The following SUPT3H variants were observed in gnomAD, a reference collection of about 807,000 sequenced individuals.
SUPT3H encodes transcription initiation protein SPT3 homolog.
A neutral mutation model predicts 44.3 loss-of-function variants in SUPT3H; 44 were observed. The ratio of observed to expected loss-of-function variants is 0.99; its 90% CI spans 0.78 to 1.28. The LOEUF (loss-of-function observed/expected upper bound fraction) is 1.28, where lower values mean the gene tolerates loss of function less well. Ranked by LOEUF, SUPT3H falls within the 50% of genes most tolerant of loss-of-function variation. The pLI is 0.00. For synonymous variants in SUPT3H, 124 were observed against 125.6 expected, an observed-to-expected ratio of 0.99 and a Z score of 0.09; for missense variants, 380 against 387.1, an observed-to-expected ratio of 0.98 and a Z score of 0.15.
intron 2 of SUPT3H, among the ~76,000 whole-genome samples, chr6:45,171,257 G>A (rs886282498): frequency 6.6e-6 from 1 of 151,954 alleles, no homozygotes. Flanking sequence ...TTTATCAGAA[G>A]ATACATAAAA....
intron 1 of SUPT3H, among the ~76,000 whole-genome samples, chr6:45,366,077 C>T (rs548181000): frequency 3.2e-4 from 49 of 152,104 alleles, no homozygotes; most frequent in Non-Finnish European, 4.0e-4. Context: ...TAGGTAAACC[C>T]TCATCTATTA....
intron 3 of SUPT3H, among the ~76,000 whole-genome samples, chr6:45,078,684 T>C (rs1217138595): frequency 6.6e-6 from 1 of 152,194 alleles, no homozygotes. Flanking sequence ...TTGGATACAG[T>C]ATACTTGGCT....
chr6:45,286,974 C>T (rs1404105455), intron 2 of SUPT3H, among the ~76,000 whole-genome samples: 1 of 152,102 alleles, frequency 6.6e-6, no homozygotes, highest in Non-Finnish European at 1.5e-5. Flanking sequence ...CCATCATTCT[C>T]AGCAAACTAT....
At chr6:44,851,493 G>C (rs1772876819) in intron 10 of SUPT3H, among the ~76,000 whole-genome samples, 1 of 152,130 alleles carries the variant, frequency 6.6e-6, no homozygotes, top group East Asian at 1.9e-4. Flanking sequence ...CAGTCTCTAA[G>C]ACTTGTGCTA....
At chr6:45,303,222 G>A (rs545876086) in intron 2 of SUPT3H, among the ~76,000 whole-genome samples, 1 of 152,260 alleles carries the variant, frequency 6.6e-6, no homozygotes, top group East Asian at 1.9e-4. Flanking sequence ...AAGACTTCAT[G>A]ACCAAGAACC....
intron 2 of SUPT3H, among the ~76,000 whole-genome samples, chr6:45,331,568 T>C (rs1787519795): frequency 6.6e-6 from 1 of 151,924 alleles, no homozygotes; most frequent in African/African-American, 2.4e-5. Flanking sequence ...GCTAAAAATG[T>C]CAAAGTAATT....
chr6:45,321,403 C>T (rs1206390831), intron 2 of SUPT3H, among the ~76,000 whole-genome samples: 1 of 152,088 alleles, frequency 6.6e-6, no homozygotes, highest in Non-Finnish European at 1.5e-5. Context: ...TACTTATATT[C>T]ACCAATTAAC....
rs547673045 is a variant in SUPT3H at position 45,015,329 on chromosome 6, A to G, written c.274-438T>C. 4.6e-5 allele frequency among the ~76,000 whole-genome samples: 7 copies of G among 152,218 alleles called. No individual in the cohort carries two copies. In the East Asian group the frequency reaches 1.4e-3, roughly 29 times the overall value. ...AAAATGGTAAGTATTTGTATATCTAAACATTTCTAAATATACAAAAATTAG... is the reference window on the plus strand; with the variant it reads ...AAAATGGTAAGTATTTGTATATCTAGACATTTCTAAATATACAAAAATTAG... On this transcript the variant is annotated intron_variant, in intron 4 of 10. Coordinates refer to ENST00000371459, the MANE Select transcript of SUPT3H (RefSeq NM_003599.4).
chr6:45,260,093 G>C (rs1402390012), intron 2 of SUPT3H, among the ~76,000 whole-genome samples: 1 of 152,070 alleles, frequency 6.6e-6, no homozygotes, highest in Non-Finnish European at 1.5e-5. Context: ...GCTTTCACCA[G>C]TAAAATTTAC....
At chr6:44,996,351 G>A (rs965247804) in intron 6 of SUPT3H, among the ~76,000 whole-genome samples, 3 of 151,546 alleles carry the variant, frequency 2.0e-5, no homozygotes, top group African/African-American at 4.8e-5. Flanking sequence ...CTACTAGAAT[G>A]TTCTTACTGA....
At chr6:45,333,209 T>C (rs140756613) in intron 2 of SUPT3H, among the ~76,000 whole-genome samples, 25 of 151,792 alleles carry the variant, frequency 1.6e-4, no homozygotes, top group African/African-American at 5.8e-4. Context: ...ATTCACTGGA[T>C]ATATTTTTTG....
At chr6:45,012,309 T>G (rs1403954030) in intron 5 of SUPT3H, among the ~76,000 whole-genome samples, 1 of 151,998 alleles carries the variant, frequency 6.6e-6, no homozygotes, top group African/African-American at 2.4e-5. Context: ...ACACACTTAA[T>G]GGTGCTCTAC....
intron 2 of SUPT3H, among the ~76,000 whole-genome samples, chr6:45,230,819 T>A (rs555375499): frequency 6.6e-6 from 1 of 151,420 alleles, no homozygotes; most frequent in South Asian, 2.1e-4. Flanking sequence ...ATTACAAGCA[T>A]GTGCCACCAT....
intron 2 of SUPT3H, among the ~76,000 whole-genome samples, chr6:45,325,933 T>C (rs1480652681): frequency 6.6e-6 from 1 of 151,838 alleles, no homozygotes; most frequent in Non-Finnish European, 1.5e-5. Flanking sequence ...TATACTAACT[T>C]AAAGCACATG....
intron 2 of SUPT3H, among the ~76,000 whole-genome samples, chr6:45,113,741 A>C (rs1800412493): frequency 6.7e-6 from 1 of 149,828 alleles, no homozygotes; most frequent in African/African-American, 2.5e-5. Flanking sequence ...GAGGCAGGAG[A>C]GTCGCCTGAG....
At chr6:44,996,417 G>C (rs1781281256) in intron 6 of SUPT3H, among the ~76,000 whole-genome samples, 1 of 151,476 alleles carries the variant, frequency 6.6e-6, no homozygotes, top group African/African-American at 2.4e-5. Context: ...TTATTCATTT[G>C]CCTTTTAATA....
At chr6:45,107,176 T>C (rs779726335) in intron 2 of SUPT3H, among the ~76,000 whole-genome samples, 7 of 152,040 alleles carry the variant, frequency 4.6e-5, no homozygotes, top group Admixed American at 2.6e-4. Flanking sequence ...CACAATAATA[T>C]ATTTAAAGTA....
rs1216477962 is a variant in SUPT3H at position 45,370,991 on chromosome 6, T to C, written c.1-5690A>G. ...TGCCTATCAGATTATCCTTAAGCCC[T>C]GACAAATGGCACATAGCACACTTAC... On this transcript the variant is annotated intron_variant, in intron 1 of 10. Transcript: ENST00000371459. 2.6e-5 allele frequency among the ~76,000 whole-genome samples: 4 copies of C among 152,330 alleles called. No individual in the cohort carries two copies. The East Asian group carries it at 7.7e-4, about 29-fold the overall frequency.
Position 44,932,859 on chromosome 6 carries a change from G to T in SUPT3H, c.802-96C>A, listed in dbSNP as rs1448668601. The T allele has an allele frequency of 2.8e-6, 2 of 717,690 alleles. 1 individual carries two copies. The highest frequency in any genetic ancestry group is 5.6e-4 in the Middle Eastern group (2 of 3,564). 44.5% of individuals were successfully genotyped at this position (717,690 alleles called of 1,614,324 possible). A position where few individuals can be genotyped will look rare whatever the true frequency, so the allele number is the denominator to read the frequency against. On this transcript the variant is annotated intron_variant, in intron 9 of 10. Transcript: ENST00000371459. Reference sequence around the variant, plus strand: ...AAAATAAACCTTTACAAAAGAGACCGGTTTTTCCCTTAGGATGCACATCAC... The same window carrying T: ...AAAATAAACCTTTACAAAAGAGACCTGTTTTTCCCTTAGGATGCACATCAC...
Sources: allele counts gnomAD v4.1 joint callset (sites outside exome capture counted in the v4.1 genomes callset), GRCh38; gene constraint gnomAD v4.1.1; transcripts MANE v1.5; gene names NCBI Gene and HGNC (gene_info 2026-07-23, HGNC 2026-07-21).